PDHX: variants seen among roughly 807,000 people sequenced by gnomAD.
PDHX encodes pyruvate dehydrogenase complex component X.
Under a neutral mutation model 55.3 loss-of-function variants are expected in PDHX, and 33 were observed. The ratio of observed to expected loss-of-function variants is 0.60; its 90% CI spans 0.45 to 0.80. The LOEUF (loss-of-function observed/expected upper bound fraction) is 0.80, where lower values mean the gene tolerates loss of function less well. PDHX is among the 30% of genes least tolerant of loss of function. The probability of loss-of-function intolerance (pLI) is 0.00; values close to 1 mark genes in which losing one functional copy is unlikely to be tolerated. For synonymous variants in PDHX, 226 were observed against 219.4 expected (o/e 1.03, Z -0.27); for missense variants, 622 against 619.9 (o/e 1.00, Z -0.04).
intron 2 of PDHX, among the ~76,000 whole-genome samples, chr11:34,933,647 C>A (rs1565150829): frequency 6.6e-6 from 1 of 152,140 alleles, no homozygotes. Flanking sequence ...CCCTAGAACC[C>A]AGACTGTCTC....
At chr11:34,957,729 G>T (rs1279523169) in intron 4 of PDHX, 146 bp downstream of exon 4, 2 of 532,136 alleles carry the variant, frequency 3.8e-6, no homozygotes, top group Non-Finnish European at 3.4e-6. Context: ...TAGAGTGTGT[G>T]TTTTTTTTTT....
chr11:34,941,054 C>T (rs999486432), intron 2 of PDHX, among the ~76,000 whole-genome samples: 4 of 140,948 alleles, frequency 2.8e-5, no homozygotes, highest in Non-Finnish European at 4.6e-5. Context: ...GTTAAACTGT[C>T]GAATACAGTA....
intron 9 of PDHX, among the ~76,000 whole-genome samples, chr11:34,991,903 T>A (rs2477157): frequency 7.6e-6 from 1 of 132,380 alleles, no homozygotes; most frequent in African/African-American, 3.1e-5. Context: ...GAGTGAGACT[T>A]CTCAAAAAAA....
At chr11:34,937,398 C>A (rs918292198) in intron 2 of PDHX, among the ~76,000 whole-genome samples, 43 of 150,064 alleles carry the variant, frequency 2.9e-4, no homozygotes, top group African/African-American at 9.3e-4. Flanking sequence ...GGAGTTGAGG[C>A]CATGTGCACC....
At chr11:34,922,106 C>T (rs1056826684) in intron 1 of PDHX, among the ~76,000 whole-genome samples, 3 of 152,166 alleles carry the variant, frequency 2.0e-5, no homozygotes, top group African/African-American at 7.2e-5. Flanking sequence ...CTTCTGTTAC[C>T]ACAGCAGAAT....
upstream of PDHX, chr11:34,916,141 C>T: frequency 2.0e-6 from 3 of 1,524,080 alleles, no homozygotes; most frequent in South Asian, 1.2e-5. Flanking sequence ...AACGCCCGGC[C>T]CGCTACCCTG....
In PDHX at chr11:34,995,278, A is replaced by G. The variant is rs1855837767; in HGVS notation, c.*106A>G. 1 of 1,243,522 alleles carries G rather than the reference A, an allele frequency of 8.0e-7. No individual in the cohort carries two copies. The highest frequency in any genetic ancestry group is 1.2e-6 in the Non-Finnish European group (1 of 850,176). The allele number at this position is 1,243,522 out of a possible 1,614,324, so 77.0% of individuals were successfully genotyped here. A position where few individuals can be genotyped will look rare whatever the true frequency, so the allele number is the denominator to read the frequency against. Reference sequence around the variant, plus strand: ...TTGGTATTTAAGTATGAAGTGGATGAAATGTTTATTTATTTAAGGTGAAAG... The same window carrying G: ...TTGGTATTTAAGTATGAAGTGGATGGAATGTTTATTTATTTAAGGTGAAAG... On this transcript the variant is annotated 3_prime_UTR_variant, in exon 11 of 11. Coordinates refer to ENST00000227868, the MANE Select transcript of PDHX (RefSeq NM_003477.3).
In PDHX at chr11:34,992,376, T is replaced by A. The variant is rs1426177112; in HGVS notation, c.1244T>A (p.Phe415Tyr). Residue 415 changes from phenylalanine (F) to tyrosine (Y), a missense_variant, in exon 10 of 11, where the codon TTT becomes TAT. By Grantham distance (22) the Phe-to-Tyr change is conservative. Coordinates refer to ENST00000227868, the MANE Select transcript of PDHX (RefSeq NM_003477.3). ...LLPEEYQGGS[F>Y]SISNLGMFGI... ...CCTGAAGAATACCAAGGAGGATCTT[T>A]TAGGTAAAATTTAAACTCTTAATTA... 3 of 1,556,560 alleles carry A rather than the reference T, an allele frequency of 1.9e-6. No individual in the cohort carries two copies. The Admixed American group carries it at 5.0e-5, about 26-fold the overall frequency.
intron 8 of PDHX, among the ~76,000 whole-genome samples, chr11:34,981,398 C>T (rs888051869): frequency 6.6e-6 from 1 of 152,084 alleles, no homozygotes; most frequent in African/African-American, 2.4e-5. Flanking sequence ...TCCAGTCTAT[C>T]ATTGTTGGAC....
chr11:34,970,412 G>A lies in PDHX; in HGVS notation c.964+126G>A, dbSNP rs1855233048. ...TTAATTTCAATTTCATAATGTACTT[G>A]CACTCTACTCTGGGTATATTTGTGC... On this transcript the variant is annotated intron_variant, in intron 7 of 10. Transcript: ENST00000227868. The A allele has an allele frequency of 1.0e-5, 8 of 789,892 alleles. No homozygotes were observed. In the South Asian group the frequency reaches 1.3e-4, roughly 12 times the overall value. 48.9% of individuals were successfully genotyped at this position (789,892 alleles called of 1,614,324 possible).
chr11:34,995,110 C>G lies in PDHX; in HGVS notation c.1444C>G (p.Leu482Val). 6.2e-7 allele frequency: 1 copy of G among 1,614,060 alleles called. No individual in the cohort carries two copies. The highest frequency in any genetic ancestry group is 8.5e-7 in the Non-Finnish European group (1 of 1,179,926). The change falls in exon 11 of 11, where the codon CTG becomes GTG. Residue 482 changes from leucine to valine, a missense_variant. Coordinates refer to ENST00000227868, the MANE Select transcript of PDHX (RefSeq NM_003477.3). The stretch of plus-strand genomic sequence containing the variant: ...TGACAGTCGAGTGGTTGATGACGAA[C>G]TGGCAACCAGGTTTCTTAAAAGTTT... ...SSDSRVVDDE[L>V]ATRFLKSFKA...
intron 1 of PDHX, among the ~76,000 whole-genome samples, chr11:34,923,402 A>C (rs1165381118): frequency 6.6e-6 from 1 of 152,212 alleles, no homozygotes; most frequent in African/African-American, 2.4e-5. Flanking sequence ...CTGTTAAACT[A>C]TAAAAGCTAT....
chr11:34,944,906 A>T (rs1367110534), intron 2 of PDHX, among the ~76,000 whole-genome samples: 1 of 152,072 alleles, frequency 6.6e-6, no homozygotes, highest in African/African-American at 2.4e-5. Flanking sequence ...GTGATTACGG[A>T]TACATGGGGA....
At position 34,947,580 on chromosome 11, in the gene PDHX, G is replaced by T; in HGVS notation, c.316G>T (p.Asp106Tyr). The change falls in exon 3 of 11, where the codon GAT becomes TAT. Residue 106 changes from aspartate (D) to tyrosine (Y), a missense_variant. Asp to Tyr is a radical substitution (Grantham distance 160, BLOSUM62 -3). Transcript: ENST00000227868. Reference sequence around the variant, plus strand: ...AGCTGTGGTTACCTTAGATGCAAGTGATGATGGAATCTTGGCCAAAATCGT... The same window carrying T: ...AGCTGTGGTTACCTTAGATGCAAGTTATGATGGAATCTTGGCCAAAATCGT... The part of the protein sequence containing the change: ...DKAVVTLDAS[D>Y]DGILAKIVVE... The T allele has an allele frequency of 1.2e-6, 2 of 1,612,196 alleles. No homozygotes were observed. The highest frequency in any genetic ancestry group is 1.7e-6 in the Non-Finnish European group (2 of 1,178,318).
At position 34,995,020 on chromosome 11, in the gene PDHX, A is replaced by G. The variant is rs1855831875; in HGVS notation, c.1354A>G (p.Thr452Ala). Residue 452 changes from threonine to alanine, a missense_variant, in exon 11 of 11, where the codon ACT (threonine) becomes GCT (alanine). Thr to Ala is a moderately conservative substitution (Grantham distance 58). Transcript: ENST00000227868. ...GAGGTTCCGACCTGTGCTGAAGCTCACTGAGGATGAAGAGGGAAATGCCAA... is the reference window on the plus strand; with the variant it reads ...GAGGTTCCGACCTGTGCTGAAGCTCGCTGAGGATGAAGAGGGAAATGCCAA... ...VGRFRPVLKLTEDEEGNAKLQ... is the reference protein window; with the variant it reads ...VGRFRPVLKLAEDEEGNAKLQ... 5 of 1,614,026 alleles carry G rather than the reference A, an allele frequency of 3.1e-6. No homozygotes were observed. The African/African-American group carries it at 4.0e-5, about 13-fold the overall frequency.
At chr11:34,959,722 G>C (rs1157741846) in intron 4 of PDHX, among the ~76,000 whole-genome samples, 4 of 152,092 alleles carry the variant, frequency 2.6e-5, no homozygotes, top group Non-Finnish European at 5.9e-5. Context: ...ATGTGATTCA[G>C]CTTTTTAGGA....
At chr11:34,978,665 C>T (rs1855436710) in intron 8 of PDHX, among the ~76,000 whole-genome samples, 1 of 151,990 alleles carries the variant, frequency 6.6e-6, no homozygotes, top group Admixed American at 6.6e-5. Flanking sequence ...AAAGTGCATT[C>T]CACACAGAGG....
chr11:34,995,394 A>G lies in PDHX; in HGVS notation c.*222A>G, dbSNP rs1855839963. ...CTCTAACTAATAAAGGAAAGAGAAT[A>G]TTTGGTTACTCAGATCCATTTTTAA... On this transcript the variant is annotated 3_prime_UTR_variant, in exon 11 of 11. Transcript: ENST00000227868. 2.0e-6 allele frequency: 1 copy of G among 512,496 alleles called. No individual in the cohort carries two copies. Among genetic ancestry groups the G allele is most frequent in the Non-Finnish European group, 3.5e-6 (1 of 284,798 alleles). 31.7% of individuals were successfully genotyped at this position (512,496 alleles called of 1,614,324 possible). A position where few individuals can be genotyped will look rare whatever the true frequency, so the allele number is the denominator to read the frequency against.
At chr11:34,980,938 A>T (rs1855496542) in intron 8 of PDHX, among the ~76,000 whole-genome samples, 1 of 152,190 alleles carries the variant, frequency 6.6e-6, no homozygotes, top group African/African-American at 2.4e-5. Context: ...TTCACCTGTG[A>T]TACAGGGCAA....
Sources: allele counts gnomAD v4.1 joint callset (sites outside exome capture counted in the v4.1 genomes callset), GRCh38; gene constraint gnomAD v4.1.1; transcripts MANE v1.5; gene names NCBI Gene and HGNC (gene_info 2026-07-23, HGNC 2026-07-21).